Variants in RBM27 observed in about 807,000 individuals in gnomAD.
RBM27 encodes the protein RNA-binding protein 27.
Under a neutral mutation model 135.3 loss-of-function variants are expected in RBM27, and 22 were observed. That is an observed-to-expected ratio of 0.16 (90% confidence interval 0.12 to 0.23). RBM27 has a LOEUF of 0.23. RBM27 is among the 10% of genes least tolerant of loss of function. The pLI is 1.00. For missense variants in RBM27, 1,009 were observed against 1,281.0 expected, an observed-to-expected ratio of 0.79 and a Z score of 3.24; for synonymous variants, 481 against 442.4, an observed-to-expected ratio of 1.09 and a Z score of -1.10.
chr5:146,250,934 G>A (rs182888147), intron 8 of RBM27, among the ~76,000 whole-genome samples: 7 of 151,806 alleles, frequency 4.6e-5, no homozygotes, highest in East Asian at 3.9e-4. Flanking sequence ...CCACCACGAC[G>A]CCCAGCTAAT....
intron 19 of RBM27, among the ~76,000 whole-genome samples, chr5:146,276,168 A>C (rs1316577826): frequency 6.7e-6 from 1 of 150,028 alleles, no homozygotes; most frequent in East Asian, 1.9e-4. Context: ...TCTGCTTCCC[A>C]CCTCTCCAGT....
chr5:146,236,242 C>T (rs1757154645), intron 7 of RBM27, among the ~76,000 whole-genome samples: 1 of 152,218 alleles, frequency 6.6e-6, no homozygotes. Context: ...CATCTAGGTT[C>T]TACAATTAGC....
In RBM27 at chr5:146,229,877, C is replaced by A. The variant is rs202070436; in HGVS notation, c.556C>A (p.Arg186Ser). 1 of 1,613,756 alleles carries A rather than the reference C, an allele frequency of 6.2e-7. No homozygotes were observed. The highest frequency in any genetic ancestry group is 8.5e-7 in the Non-Finnish European group (1 of 1,179,870). Residue 186 changes from arginine to serine, a missense_variant, in exon 5 of 21, where the codon CGC becomes AGC. Transcript: ENST00000265271. ...TCGCAGTAGAAGCCGAAGTAGGGGG[C>A]GCAGCAAAGACCGGGATCCAAATAG... ...LSRSRSRSRG[R>S]SKDRDPNRNV...
intron 7 of RBM27, among the ~76,000 whole-genome samples, chr5:146,236,261 G>T (rs138061293): frequency 6.6e-6 from 1 of 152,334 alleles, no homozygotes; most frequent in East Asian, 1.9e-4. Context: ...GCATTTTACT[G>T]TATTTATGTT....
At chr5:146,220,763 C>G (rs1317856276) in intron 2 of RBM27, among the ~76,000 whole-genome samples, 1 of 152,046 alleles carries the variant, frequency 6.6e-6, no homozygotes, top group East Asian at 1.9e-4. Context: ...CTCCCCAGTA[C>G]AGATGTTTTC....
At chr5:146,240,410 T>G (rs1233920253) in intron 8 of RBM27, among the ~76,000 whole-genome samples, 1 of 152,138 alleles carries the variant, frequency 6.6e-6, no homozygotes, top group Admixed American at 6.6e-5. Flanking sequence ...TATTGCAACC[T>G]CTGCCTCCCG....
chr5:146,251,831 T>C lies in RBM27; in HGVS notation c.1400T>C (p.Ile467Thr), dbSNP rs1757898979. The C allele has an allele frequency of 1.2e-6, 2 of 1,613,990 alleles. No individual in the cohort carries two copies. The highest frequency in any genetic ancestry group is 1.7e-5 in the Admixed American group (1 of 59,994). ...CCTCGAAACCTCATGGGATCCTCCATTGGATACCATACCTCAGTCTCCAGC... is the reference window on the plus strand; with the variant it reads ...CCTCGAAACCTCATGGGATCCTCCACTGGATACCATACCTCAGTCTCCAGC... ...VPPRNLMGSS[I>T]GYHTSVSSPT... The change falls in exon 9 of 21, where the codon ATT becomes ACT. Residue 467 changes from isoleucine (I) to threonine (T), a missense_variant. Ile to Thr is a moderately conservative substitution (Grantham distance 89). Around this residue, in one of 6 missense-constraint regions of RBM27, gnomAD observed 329 missense variants for 368.1 expected, o/e 0.89. Transcript: ENST00000265271.
At chr5:146,216,553 A>T (rs1486970631) in intron 1 of RBM27, among the ~76,000 whole-genome samples, 5 of 152,220 alleles carry the variant, frequency 3.3e-5, no homozygotes, top group African/African-American at 1.2e-4. Context: ...TCAAGTTTAC[A>T]ATATATTTAT....
chr5:146,285,627 A>G (rs1318619668), intron 20 of RBM27, among the ~76,000 whole-genome samples: 2 of 152,276 alleles, frequency 1.3e-5, no homozygotes, highest in African/African-American at 4.8e-5. Flanking sequence ...ATAGAATAAA[A>G]TTAATTTTAA....
At chr5:146,232,937 C>G (rs1010974900) in intron 6 of RBM27, among the ~76,000 whole-genome samples, 4 of 152,132 alleles carry the variant, frequency 2.6e-5, no homozygotes, top group African/African-American at 9.7e-5. Flanking sequence ...TGGGATGTTT[C>G]TATTATTTTT....
intron 8 of RBM27, among the ~76,000 whole-genome samples, chr5:146,241,842 G>T (rs1757419652): frequency 6.6e-6 from 1 of 152,106 alleles, no homozygotes; most frequent in Non-Finnish European, 1.5e-5. Flanking sequence ...ATTTTGCCAG[G>T]TTAAGGTCTG....
intron 3 of RBM27, among the ~76,000 whole-genome samples, chr5:146,227,738 C>G (rs1398429583): frequency 6.6e-6 from 1 of 151,748 alleles, no homozygotes; most frequent in African/African-American, 2.4e-5. Context: ...GACTCGGTCT[C>G]CAAAAAACAA....
chr5:146,279,546 G>A (rs1249607867), intron 19 of RBM27, among the ~76,000 whole-genome samples: 1 of 151,650 alleles, frequency 6.6e-6, no homozygotes, highest in East Asian at 1.9e-4. Flanking sequence ...GGTGGCTCAC[G>A]CCTATAATCA....
intron 10 of RBM27, among the ~76,000 whole-genome samples, chr5:146,255,420 T>C (rs1459557167): frequency 1.3e-5 from 2 of 152,208 alleles, no homozygotes; most frequent in Non-Finnish European, 2.9e-5. Context: ...ATGAAATTAC[T>C]GATCCCCTGC....
chr5:146,256,991 G>A (rs1288677761), intron 10 of RBM27, among the ~76,000 whole-genome samples: 1 of 152,208 alleles, frequency 6.6e-6, no homozygotes, highest in Non-Finnish European at 1.5e-5. Context: ...AATGCTTTAT[G>A]CCATCGCAGT....
At position 146,262,982 on chromosome 5, in the gene RBM27, G is replaced by A. The variant is rs1195600527; in HGVS notation, c.2191-509G>A. 8.0e-5 allele frequency among the ~76,000 whole-genome samples: 12 copies of A among 150,318 alleles called. No homozygotes were observed. In the Admixed American group the frequency reaches 8.0e-4, roughly 10 times the overall value. ...TGGTTCACTGCAACCTCTGCCTCCT[G>A]GTTCAGGCTACCTGCCTCAGCCTCC... On this transcript the variant is annotated intron_variant, in intron 13 of 20. Coordinates refer to ENST00000265271, the MANE Select transcript of RBM27 (RefSeq NM_018989.2).
intron 1 of RBM27, among the ~76,000 whole-genome samples, chr5:146,215,141 C>A (rs1478134364): frequency 6.6e-6 from 1 of 152,108 alleles, no homozygotes; most frequent in African/African-American, 2.4e-5. Context: ...CCTCTGCCTC[C>A]CAGGCTCAAG....
intron 19 of RBM27, among the ~76,000 whole-genome samples, chr5:146,271,904 C>T (rs73303448): frequency 0.029 from 4,401 of 152,216 alleles, 215 homozygotes; most frequent in African/African-American, 0.1. Flanking sequence ...TGTTCCAGAG[C>T]TATATTTAAT....
intron 10 of RBM27, among the ~76,000 whole-genome samples, chr5:146,256,459 C>T (rs1044308559): frequency 6.6e-6 from 1 of 151,440 alleles, no homozygotes; most frequent in African/African-American, 2.4e-5. Flanking sequence ...AAGCGATTCT[C>T]CCACCTCAGC....
Sources: allele counts gnomAD v4.1 joint callset (sites outside exome capture counted in the v4.1 genomes callset), GRCh38; gene constraint gnomAD v4.1.1; regional missense constraint gnomAD v4.1.1; transcripts MANE v1.5; gene names NCBI Gene and HGNC (gene_info 2026-07-23, HGNC 2026-07-21).